CATSPERD: variants seen among roughly 807,000 people sequenced by gnomAD.
CATSPERD encodes catsper channel auxiliary subunit delta.
Under a neutral mutation model 98.1 loss-of-function variants are expected in CATSPERD, and 86 were observed. The observed-to-expected ratio is 0.88, with a 90% CI of 0.74 to 1.05. The LOEUF (loss-of-function observed/expected upper bound fraction) is 1.05. Ranked by LOEUF, CATSPERD falls within the 50% of genes least tolerant of loss-of-function variation. The pLI, the probability that CATSPERD is intolerant of heterozygous loss-of-function variation, is 0.00. For missense variants in CATSPERD, 995 were observed against 1,005.7 expected, an observed-to-expected ratio of 0.99 and a Z score of 0.14; for synonymous variants, 394 against 390.2, an observed-to-expected ratio of 1.01 and a Z score of -0.12.
Position 5,767,413 on chromosome 19 carries a change from G to GT in CATSPERD, c.1560-742dup, listed in dbSNP as rs771382470. ...CCCTCCCAGAGCTGGGGTCTCTCAG[G>GT]TTTTTTTTTTTTTCCATATCTGCTC... On this transcript the variant is annotated intron_variant, in intron 17 of 21. Coordinates refer to ENST00000381624, the MANE Select transcript of CATSPERD (RefSeq NM_152784.4). Among the ~76,000 whole-genome samples, 240 of 143,660 alleles carry GT rather than the reference G, an allele frequency of 1.7e-3. 2 individuals carry two copies. Among genetic ancestry groups the GT allele is most frequent in the Middle Eastern group, 3.6e-3 (1 of 276 alleles). 94.2% of individuals were successfully genotyped at this position (143,660 alleles called of 152,430 possible).
chr19:5,743,682 T>C (rs1599541249), intron 7 of CATSPERD, among the ~76,000 whole-genome samples: 2 of 106,476 alleles, frequency 1.9e-5, no homozygotes, highest in South Asian at 3.0e-4. Context: ...CTCTCTCTCT[T>C]CCTCTCTCTC....
chr19:5,766,574 C>T (rs914459133), intron 17 of CATSPERD, among the ~76,000 whole-genome samples: 19 of 136,802 alleles, frequency 1.4e-4, no homozygotes, highest in Non-Finnish European at 2.7e-4. Flanking sequence ...GGATGACTTT[C>T]GATTATTTAG....
At chr19:5,723,306 G>A (rs1361434285) in intron 1 of CATSPERD, among the ~76,000 whole-genome samples, 3 of 151,510 alleles carry the variant, frequency 2.0e-5, no homozygotes, top group Non-Finnish European at 4.4e-5. Flanking sequence ...ATTTTTTGAC[G>A]GAGGCTTGCT....
intron 1 of CATSPERD, among the ~76,000 whole-genome samples, chr19:5,723,046 G>A (rs915431213): frequency 2.6e-5 from 4 of 151,648 alleles, no homozygotes; most frequent in Non-Finnish European, 5.9e-5. Context: ...AAATTAGTCG[G>A]TGTGGTGGCG....
chr19:5,751,954 G>C (rs1185285515), intron 12 of CATSPERD, 131 bp downstream of exon 12: 1 of 862,458 alleles, frequency 1.2e-6, no homozygotes, highest in Non-Finnish European at 1.7e-6. Flanking sequence ...TTTGAGGCCA[G>C]GAGTTCAAGA....
intron 5 of CATSPERD, among the ~76,000 whole-genome samples, chr19:5,735,172 C>T (rs544695013): frequency 3.3e-5 from 5 of 152,162 alleles, no homozygotes; most frequent in Non-Finnish European, 4.4e-5. Flanking sequence ...GAGTCTCACT[C>T]GGTCACCCAG....
Position 5,721,236 on chromosome 19 carries a change from T to A in CATSPERD, c.71+428T>A, listed in dbSNP as rs559126237. ...CCAGGATGGTCCCGATCTCCTGACC[T>A]CGTGACCCGCCTGCCTCGGCCTCCC... On this transcript the variant is annotated intron_variant, in intron 1 of 21. Transcript: ENST00000381624. Among the ~76,000 whole-genome samples the A allele has an allele frequency of 7.0e-3, 1,066 of 152,168 alleles. 11 individuals are homozygous for A. Among genetic ancestry groups the A allele is most frequent in the Non-Finnish European group, 0.013 (878 of 67,992 alleles).
intron 1 of CATSPERD, among the ~76,000 whole-genome samples, chr19:5,723,992 C>T (rs2055554210): frequency 6.6e-6 from 1 of 152,084 alleles, no homozygotes; most frequent in South Asian, 2.1e-4. Context: ...AGGGTTTCTC[C>T]GTGTTGCTCA....
intron 13 of CATSPERD, among the ~76,000 whole-genome samples, chr19:5,757,341 A>C (rs2056342620): frequency 7.0e-6 from 1 of 143,462 alleles, no homozygotes; most frequent in Non-Finnish European, 1.5e-5. Flanking sequence ...CTTGTTACCC[A>C]GGCGGGAGTA....
chr19:5,728,339 A>G (rs1029916292), intron 3 of CATSPERD, among the ~76,000 whole-genome samples: 8 of 141,288 alleles, frequency 5.7e-5, no homozygotes, highest in Non-Finnish European at 1.1e-4. Flanking sequence ...GCCTGGCGAC[A>G]GAGCGAGACT....
At chr19:5,771,259 C>CT (rs906289622) in intron 19 of CATSPERD, among the ~76,000 whole-genome samples, 187 bp downstream of exon 19, 3 of 152,138 alleles carry the variant, frequency 2.0e-5, no homozygotes, top group African/African-American at 4.8e-5. Context: ...AACACCTTTT[C>CT]TTTTTTTGAG....
chr19:5,752,198 A>G (rs1406128514), intron 12 of CATSPERD, among the ~76,000 whole-genome samples: 1 of 151,994 alleles, frequency 6.6e-6, no homozygotes, highest in African/African-American at 2.4e-5. Flanking sequence ...AATCCCACCT[A>G]CTTCGAGTGC....
intron 9 of CATSPERD, among the ~76,000 whole-genome samples, chr19:5,746,650 G>A (rs1419730816): frequency 6.6e-6 from 1 of 151,912 alleles, no homozygotes; most frequent in Non-Finnish European, 1.5e-5. Flanking sequence ...AGCCAGGATG[G>A]TCTCCATCTC....
intron 10 of CATSPERD, 141 bp downstream of exon 10, chr19:5,748,396 C>T (rs889929546): frequency 4.0e-5 from 28 of 700,996 alleles, no homozygotes; most frequent in Middle Eastern, 2.8e-4. Context: ...TTTGGGAGGC[C>T]GAGGCGGGTG....
chr19:5,757,943 TC>T lies in CATSPERD; in HGVS notation c.1368+15del. 6.2e-7 allele frequency: 1 copy of T among 1,608,450 alleles called. No individual in the cohort carries two copies. The highest frequency in any genetic ancestry group is 8.5e-7 in the Non-Finnish European group (1 of 1,177,394). On this transcript the variant is annotated intron_variant, in intron 14 of 21. Transcript: ENST00000381624. ...ACCAAGTACAAACTGGTGAGCCGCGTCCCCACCAAACCCTGTCGCCTGTCCC... is the reference window on the plus strand; with the variant it reads ...ACCAAGTACAAACTGGTGAGCCGCGTCCCACCAAACCCTGTCGCCTGTCCC...
rs569036224 is a variant in CATSPERD at position 5,754,850 on chromosome 19, T to C, written c.1278+605T>C. Among the ~76,000 whole-genome samples, 191 of 149,766 alleles carry C rather than the reference T, an allele frequency of 1.3e-3. 1 individual carries two copies. The highest frequency in any genetic ancestry group is 2.2e-3 in the Non-Finnish European group (148 of 67,166). On this transcript the variant is annotated intron_variant, in intron 13 of 21. Coordinates refer to ENST00000381624, the MANE Select transcript of CATSPERD (RefSeq NM_152784.4). The stretch of plus-strand genomic sequence containing the variant: ...ATACATTCATTTTCTTCTTCTTCTT[T>C]TTTTTTTTTTTTGAGACAGAGTTTT...
In CATSPERD at chr19:5,762,939, G is replaced by A. The variant is rs58213850; in HGVS notation, c.1428-276G>A. 8.7e-5 allele frequency among the ~76,000 whole-genome samples: 13 copies of A among 149,860 alleles called. No homozygotes were observed. In the East Asian group the frequency reaches 2.7e-3, roughly 31 times the overall value. On this transcript the variant is annotated intron_variant, in intron 15 of 21. Transcript: ENST00000381624. ...GAGATGAATAGATAGATGGATGGATGAATAAGTGGATAGATGGATGAGTGG... is the reference window on the plus strand; with the variant it reads ...GAGATGAATAGATAGATGGATGGATAAATAAGTGGATAGATGGATGAGTGG...
intron 17 of CATSPERD, among the ~76,000 whole-genome samples, chr19:5,767,075 T>C (rs1164260230): frequency 6.6e-6 from 1 of 151,130 alleles, no homozygotes; most frequent in African/African-American, 2.4e-5. Context: ...CCCAGCACTT[T>C]GGGAGGCCGA....
intron 15 of CATSPERD, among the ~76,000 whole-genome samples, chr19:5,759,442 G>A (rs1425130298): frequency 6.6e-6 from 1 of 151,664 alleles, no homozygotes; most frequent in African/African-American, 2.4e-5. Flanking sequence ...GCAGGCACCT[G>A]TAATTTCAGC....
Sources: gnomAD v4.1 joint callset for allele counts (sites outside exome capture counted in the v4.1 genomes callset) on GRCh38, gnomAD v4.1.1 for gene constraint, MANE v1.5 for transcripts, NCBI Gene and HGNC (gene_info 2026-07-23, HGNC 2026-07-21) for gene names.